CAGE1: variants seen among roughly 807,000 people sequenced by gnomAD.
CAGE1 encodes the protein cancer-associated gene 1 protein.
CAGE1 carries 66 observed loss-of-function variants against 94.9 expected under a neutral mutation model. That is an observed-to-expected ratio of 0.70 (90% confidence interval 0.57 to 0.85). The LOEUF is 0.85. CAGE1 is among the 40% of genes least tolerant of loss of function. CAGE1 has a pLI of 0.00. For missense variants in CAGE1, 865 were observed against 950.4 expected (o/e 0.91, Z 1.18); for synonymous variants, 319 against 321.0 (o/e 0.99, Z 0.07).
In CAGE1 at chr6:7,386,996, T is replaced by A. The variant is rs372276847; in HGVS notation, c.178A>T (p.Thr60Ser). The change falls in exon 2 of 14, where the codon ACT becomes TCT. Residue 60 changes from threonine (T) to serine (S), a missense_variant. Physicochemically the swap from Thr to Ser is moderately conservative, Grantham distance 58. Coordinates refer to ENST00000502583, the MANE Select transcript of CAGE1 (RefSeq NM_001170692.2). ...ATGCACACCTGAGGCAAGTCACAAG[T>A]GGTGCCGGTGGTTTCCATACAGATT... ...SPICMETTGT[T>S]CDLPQNEIKN... The A allele has an allele frequency of 4.5e-4, 704 of 1,551,586 alleles. No individual in the cohort carries two copies. Among genetic ancestry groups the A allele is most frequent in the Non-Finnish European group, 5.7e-4 (658 of 1,146,608 alleles).
At chr6:7,342,049 T>C (rs1474422092) in intron 11 of CAGE1, 43 of 889,272 alleles carry the variant, frequency 4.8e-5, no homozygotes, top group Middle Eastern at 2.2e-4. Flanking sequence ...TTGGTAGGCA[T>C]TGTAGTCCTG....
At position 7,368,701 on chromosome 6, in the gene CAGE1, G is replaced by T; in HGVS notation, c.1991C>A (p.Thr664Asn). 6.7e-7 allele frequency: 1 copy of T among 1,495,842 alleles called. No homozygotes were observed. The highest frequency in any genetic ancestry group is 9.0e-7 in the Non-Finnish European group (1 of 1,111,514). 92.7% of individuals were successfully genotyped at this position (1,495,842 alleles called of 1,614,324 possible). A position where few individuals can be genotyped will look rare whatever the true frequency, so the allele number is the denominator to read the frequency against. Residue 664 changes from threonine to asparagine, a missense_variant, in exon 7 of 14, where the codon ACT becomes AAT. By Grantham distance (65) the Thr-to-Asn change is moderately conservative. Coordinates refer to ENST00000502583, the MANE Select transcript of CAGE1 (RefSeq NM_001170692.2). ...TAAATATAATACCTCTTTATCTAAA[G>T]TTTTCTTTTTAAGATGGAGGCTCTT... ...KLKSLHLKKK[T>N]LDKELLKHKD...
chr6:7,330,373 T>A (rs184719222), intron 12 of CAGE1, among the ~76,000 whole-genome samples: 1 of 152,040 alleles, frequency 6.6e-6, no homozygotes, highest in African/African-American at 2.4e-5. Flanking sequence ...GGTAGCAGAG[T>A]GAGACTTCAT....
chr6:7,375,699 G>A (rs1399571156), intron 4 of CAGE1, among the ~76,000 whole-genome samples: 2 of 152,162 alleles, frequency 1.3e-5, no homozygotes, highest in Non-Finnish European at 2.9e-5. Context: ...CTGAGTAACA[G>A]AGCAAGACAC....
intron 11 of CAGE1, among the ~76,000 whole-genome samples, chr6:7,335,688 T>C (rs1758930070): frequency 6.6e-6 from 1 of 152,224 alleles, no homozygotes; most frequent in African/African-American, 2.4e-5. Flanking sequence ...GAAGCAATCC[T>C]CTCAGCCTCC....
At chr6:7,332,274 T>C (rs1758782789) in intron 12 of CAGE1, among the ~76,000 whole-genome samples, 2 of 152,208 alleles carry the variant, frequency 1.3e-5, no homozygotes, top group Non-Finnish European at 2.9e-5. Flanking sequence ...CTAATGCTGA[T>C]TCTTTCTCTT....
intron 11 of CAGE1, among the ~76,000 whole-genome samples, chr6:7,351,218 G>A (rs1759754863): frequency 6.6e-6 from 1 of 152,036 alleles, no homozygotes; most frequent in Admixed American, 6.6e-5. Flanking sequence ...ATAAATTCCT[G>A]GAAAAATACA....
At chr6:7,330,113 T>C (rs1475155539) in intron 12 of CAGE1, among the ~76,000 whole-genome samples, 1 of 152,124 alleles carries the variant, frequency 6.6e-6, no homozygotes, top group Non-Finnish European at 1.5e-5. Flanking sequence ...TGAGGCAGGT[T>C]GCGGTGGCTC....
chr6:7,342,747 T>C (rs9392148), intron 11 of CAGE1, among the ~76,000 whole-genome samples: 13,700 of 152,214 alleles, frequency 0.09, 1,424 homozygotes, highest in African/African-American at 0.25. Context: ...AGGGTTTTTC[T>C]GATGTTATCT....
chr6:7,380,169 T>TG (rs1760883603), intron 3 of CAGE1, among the ~76,000 whole-genome samples: 1 of 152,190 alleles, frequency 6.6e-6, no homozygotes, highest in Admixed American at 6.5e-5. Flanking sequence ...GACTATAGTA[T>TG]GGGTTTATAG....
In CAGE1 at chr6:7,389,237, C is replaced by G. The variant is rs1164898649; in HGVS notation, c.-59G>C. On this transcript the variant is annotated 5_prime_UTR_variant, in exon 1 of 14. Coordinates refer to ENST00000502583, the MANE Select transcript of CAGE1 (RefSeq NM_001170692.2). Reference sequence around the variant, plus strand: ...AGCACTTATCTCATTCATTTTTCACCTCAAAACGAGACACCAAACTTTTTA... The same window carrying G: ...AGCACTTATCTCATTCATTTTTCACGTCAAAACGAGACACCAAACTTTTTA... The G allele has an allele frequency of 2.2e-6, 1 of 456,128 alleles. No individual in the cohort carries two copies. The highest frequency in any genetic ancestry group is 1.5e-5 in the South Asian group (1 of 64,568). 28.3% of individuals were successfully genotyped at this position (456,128 alleles called of 1,614,324 possible).
At chr6:7,341,892 A>T (rs577790054) in intron 11 of CAGE1, 6 of 691,350 alleles carry the variant, frequency 8.7e-6, no homozygotes, top group African/African-American at 1.8e-5. Flanking sequence ...GCCCTCTCCA[A>T]TCAGGGTACT....
In CAGE1 at chr6:7,373,954, A is replaced by C; in HGVS notation, c.865T>G (p.Trp289Gly). Residue 289 changes from tryptophan (W) to glycine (G), a missense_variant, in exon 5 of 14, where the codon TGG (tryptophan) becomes GGG (glycine). By Grantham distance (184) the Trp-to-Gly change is radical. Transcript: ENST00000502583. ...TGTAAGCTTTCAGCACTTTGCTCCC[A>C]GTCAGGCATCTCACAGTTCTCCCGA... ...ACRENCEMPDWEQSAESLQPV... is the reference protein window; with the variant it reads ...ACRENCEMPDGEQSAESLQPV... 1 of 1,614,052 alleles carries C rather than the reference A, an allele frequency of 6.2e-7. No individual in the cohort carries two copies. Among genetic ancestry groups the C allele is most frequent in the Non-Finnish European group, 8.5e-7 (1 of 1,179,904 alleles).
intron 12 of CAGE1, among the ~76,000 whole-genome samples, chr6:7,333,638 C>CTATA (rs1257307194): frequency 0.016 from 513 of 32,408 alleles, 2 homozygotes; most frequent in Non-Finnish European, 0.02. Flanking sequence ...ATCTATCTAA[C>CTATA]TATCTATATA....
intron 11 of CAGE1, among the ~76,000 whole-genome samples, chr6:7,349,529 A>G (rs1226153905): frequency 1.3e-5 from 2 of 152,248 alleles, no homozygotes; most frequent in Non-Finnish European, 2.9e-5. Flanking sequence ...ACCAAGGTAC[A>G]CAGGCAACAA....
intron 11 of CAGE1, among the ~76,000 whole-genome samples, chr6:7,345,586 A>G (rs977640215): frequency 6.6e-6 from 1 of 152,330 alleles, no homozygotes; most frequent in South Asian, 2.1e-4. Flanking sequence ...AATGTCACTA[A>G]TAGCTTTCAT....
rs535341346 is a variant in CAGE1 at position 7,356,515 on chromosome 6, C to T, written c.2194-386G>A. 3.3e-5 allele frequency among the ~76,000 whole-genome samples: 5 copies of T among 152,264 alleles called. No individual in the cohort carries two copies. The South Asian group carries it at 1.0e-3, about 32-fold the overall frequency. On this transcript the variant is annotated intron_variant, in intron 9 of 13. Coordinates refer to ENST00000502583, the MANE Select transcript of CAGE1 (RefSeq NM_001170692.2). ...ATTTTTCAGATTTGAGAAATACTCT[C>T]CCTTGCATAATTTTCAGGTTTGAGA...
At chr6:7,343,357 T>C (rs1262427977) in intron 11 of CAGE1, among the ~76,000 whole-genome samples, 1 of 152,228 alleles carries the variant, frequency 6.6e-6, no homozygotes, top group East Asian at 1.9e-4. Context: ...CCTTATTCTC[T>C]ATGATCAAGG....
rs368160771 is a variant in CAGE1 at position 7,374,724 on chromosome 6, C to T, written c.688-593G>A. ...GACTTTATGCTGCCGATAGAGGTCT[C>T]GAGGAGGTTATAAAAAGACAGTAGG... On this transcript the variant is annotated intron_variant, in intron 4 of 13. Coordinates refer to ENST00000502583, the MANE Select transcript of CAGE1 (RefSeq NM_001170692.2). Among the ~76,000 whole-genome samples, 6 of 152,174 alleles carry T rather than the reference C, an allele frequency of 3.9e-5. No homozygotes were observed. In the South Asian group the frequency reaches 6.2e-4, roughly 16 times the overall value.
Sources: allele counts gnomAD v4.1 joint callset (sites outside exome capture counted in the v4.1 genomes callset), GRCh38; gene constraint gnomAD v4.1.1; transcripts MANE v1.5; gene names NCBI Gene and HGNC (gene_info 2026-07-23, HGNC 2026-07-21).